ADGRB3: variants seen among roughly 807,000 people sequenced by gnomAD.
ADGRB3 encodes brain-specific angiogenesis inhibitor 3.
Under a neutral mutation model 193.4 loss-of-function variants are expected in ADGRB3, and 37 were observed. That is an observed-to-expected ratio of 0.19 (90% CI 0.15 to 0.25). The LOEUF (loss-of-function observed/expected upper bound fraction) is 0.25. Ranked by LOEUF, ADGRB3 falls within the 10% of genes least tolerant of loss-of-function variation. The pLI, the probability that ADGRB3 is intolerant of heterozygous loss-of-function variation, is 1.00. For missense variants in ADGRB3, 1,637 were observed against 1,852.9 expected (o/e 0.88, Z 2.14); for synonymous variants, 690 against 644.2 (o/e 1.07, Z -1.08).
At chr6:68,938,580 G>A (rs9454655) in intron 5 of ADGRB3, among the ~76,000 whole-genome samples, 122,776 of 151,658 alleles carry the variant, frequency 0.81, 50,481 homozygotes, top group Non-Finnish European at 0.88. Context: ...TTTTAAGAAT[G>A]CAATATATAG....
At chr6:68,751,858 G>A (rs1214071573) in intron 3 of ADGRB3, among the ~76,000 whole-genome samples, 1 of 152,040 alleles carries the variant, frequency 6.6e-6, no homozygotes, top group South Asian at 2.1e-4. Flanking sequence ...ATAAAATTTG[G>A]GTGTGATACA....
chr6:69,034,716 C>G (rs988370537), intron 13 of ADGRB3, among the ~76,000 whole-genome samples: 2 of 151,072 alleles, frequency 1.3e-5, no homozygotes, highest in African/African-American at 4.9e-5. Context: ...AGTACATTAA[C>G]TTAGAAAGGG....
intron 17 of ADGRB3, among the ~76,000 whole-genome samples, chr6:69,122,463 A>AGGGAGAGGGGAAGGGGGAG (rs1773735143): frequency 3.9e-5 from 2 of 51,594 alleles, no homozygotes; most frequent in Non-Finnish European, 7.0e-5. Flanking sequence ...GATAAGGGAG[A>AGGGAGAGGGGAAGGGGGAG]GGGAGAGGGG....
intron 26 of ADGRB3, among the ~76,000 whole-genome samples, chr6:69,349,955 A>G (rs895967510): frequency 2.0e-5 from 3 of 152,182 alleles, no homozygotes; most frequent in Non-Finnish European, 4.4e-5. Flanking sequence ...GCTCTTCCCT[A>G]GCAGTCTCTA....
chr6:68,706,810 A>C (rs1219084815), intron 3 of ADGRB3, among the ~76,000 whole-genome samples: 3 of 152,138 alleles, frequency 2.0e-5, no homozygotes, highest in Non-Finnish European at 4.4e-5. Context: ...GTCGTTTATA[A>C]TTAAGATTGT....
At chr6:68,958,924 A>C in intron 8 of ADGRB3, among the ~76,000 whole-genome samples, 1 of 150,484 alleles carries the variant, frequency 6.6e-6, no homozygotes, top group East Asian at 2.0e-4. Context: ...CATATACACC[A>C]AGCTTTTGAA....
At chr6:69,183,499 A>G (rs377048462) in intron 17 of ADGRB3, among the ~76,000 whole-genome samples, 2 of 152,200 alleles carry the variant, frequency 1.3e-5, no homozygotes, top group East Asian at 3.9e-4. Context: ...GTGCTCCAGT[A>G]ACTTTAAATT....
intron 17 of ADGRB3, among the ~76,000 whole-genome samples, chr6:69,204,410 T>C (rs1307969744): frequency 6.6e-6 from 1 of 152,104 alleles, no homozygotes; most frequent in African/African-American, 2.4e-5. Context: ...AATATGGCAA[T>C]TGAGTGTCTT....
chr6:68,879,526 C>T (rs1233657632), intron 3 of ADGRB3, among the ~76,000 whole-genome samples: 1 of 152,120 alleles, frequency 6.6e-6, no homozygotes, highest in Non-Finnish European at 1.5e-5. Context: ...CCGCGCCTGG[C>T]CTACTTTTTG....
intron 3 of ADGRB3, among the ~76,000 whole-genome samples, chr6:68,860,551 G>T (rs1765123274): frequency 1.3e-5 from 2 of 152,220 alleles, no homozygotes; most frequent in South Asian, 2.1e-4. Context: ...CCATGTTGCT[G>T]CAAAAGCCAT....
chr6:68,969,166 G>T (rs1200147271), intron 8 of ADGRB3, among the ~76,000 whole-genome samples: 1 of 152,036 alleles, frequency 6.6e-6, no homozygotes, highest in East Asian at 1.9e-4. Context: ...GGGGAATTGG[G>T]GAGGTTCACA....
chr6:68,870,823 T>C (rs1040996246), intron 3 of ADGRB3, among the ~76,000 whole-genome samples: 1 of 152,158 alleles, frequency 6.6e-6, no homozygotes, highest in Non-Finnish European at 1.5e-5. Context: ...ATCTGTGATG[T>C]GTTTAGAAGA....
chr6:69,044,249 C>T (rs1326280709), intron 13 of ADGRB3, among the ~76,000 whole-genome samples: 2 of 152,136 alleles, frequency 1.3e-5, no homozygotes, highest in Admixed American at 6.5e-5. Context: ...TCCCTCCACC[C>T]TTACATTCTC....
chr6:68,895,559 A>G (rs747102336), intron 3 of ADGRB3, among the ~76,000 whole-genome samples: 26 of 152,036 alleles, frequency 1.7e-4, no homozygotes, highest in Non-Finnish European at 2.8e-4. Flanking sequence ...AAAATATTTC[A>G]TATCTTGAAA....
At chr6:68,775,024 A>G (rs1294002431) in intron 3 of ADGRB3, among the ~76,000 whole-genome samples, 1 of 152,092 alleles carries the variant, frequency 6.6e-6, no homozygotes, top group Non-Finnish European at 1.5e-5. Flanking sequence ...TAGGCAGGGC[A>G]TAAAGAAAGG....
chr6:68,760,830 G>A (rs1337380572), intron 3 of ADGRB3, among the ~76,000 whole-genome samples: 1 of 152,140 alleles, frequency 6.6e-6, no homozygotes, highest in African/African-American at 2.4e-5. Context: ...CACTATAATA[G>A]CAGCATGTCC....
chr6:69,153,822 T>A, intron 17 of ADGRB3, among the ~76,000 whole-genome samples: 1 of 152,010 alleles, frequency 6.6e-6, no homozygotes, highest in East Asian at 1.9e-4. Flanking sequence ...TGAAACCCCA[T>A]CTCTACTAAA....
chr6:68,764,094 A>C (rs1014691844), intron 3 of ADGRB3, among the ~76,000 whole-genome samples: 15 of 152,060 alleles, frequency 9.9e-5, no homozygotes. Flanking sequence ...AAATAAATAA[A>C]ATTTTTAGAC....
At chr6:69,023,878 A>G (rs1350847577) in intron 13 of ADGRB3, among the ~76,000 whole-genome samples, 1 of 152,152 alleles carries the variant, frequency 6.6e-6, no homozygotes, top group East Asian at 1.9e-4. Flanking sequence ...ATAGGATTCC[A>G]TAACTGACTG....
Sources: allele counts gnomAD v4.1 joint callset (sites outside exome capture counted in the v4.1 genomes callset), GRCh38; gene constraint gnomAD v4.1.1; transcripts MANE v1.5; gene names NCBI Gene and HGNC (gene_info 2026-07-23, HGNC 2026-07-21).